CYP4X1: variants seen among roughly 807,000 people sequenced by gnomAD.
The protein encoded by CYP4X1 is cytochrome P450 4X1.
In CYP4X1, 44 loss-of-function variants were observed where a neutral mutation model predicts 57.9. That is an observed-to-expected ratio of 0.76 (90% CI 0.60 to 0.98). CYP4X1 has a LOEUF of 0.98. CYP4X1 is among the 50% of genes least tolerant of loss of function. The pLI, the probability that CYP4X1 is intolerant of heterozygous loss-of-function variation, is 0.00. For synonymous variants in CYP4X1, 227 were observed against 228.6 expected (o/e 0.99, Z 0.06); for missense variants, 532 against 623.9 (o/e 0.85, Z 1.57).
chr1:47,012,266 G>A, the CYP4X1 span, among the ~76,000 whole-genome samples: 22 of 152,316 alleles, frequency 1.4e-4, no homozygotes, highest in South Asian at 6.2e-4. Context: ...TAGGGACACG[G>A]ATGAAGCTGG....
the CYP4X1 span, among the ~76,000 whole-genome samples, chr1:46,977,715 C>T: frequency 6.6e-6 from 1 of 151,948 alleles, no homozygotes; most frequent in African/African-American, 2.4e-5. Flanking sequence ...AATGTTAAGA[C>T]AGCCAGAGAG....
At chr1:47,026,056 A>G (rs1644060285) in intron 1 of CYP4X1, among the ~76,000 whole-genome samples, 3 of 152,226 alleles carry the variant, frequency 2.0e-5, no homozygotes, top group Non-Finnish European at 2.9e-5. Flanking sequence ...TCATGGACAC[A>G]GAGAGTAGAA....
chr1:47,026,786 C>T (rs1199198501), intron 1 of CYP4X1, among the ~76,000 whole-genome samples: 1 of 152,052 alleles, frequency 6.6e-6, no homozygotes, highest in African/African-American at 2.4e-5. Context: ...GACGCAATCT[C>T]GGCTCACTGC....
chr1:46,993,266 C>T, the CYP4X1 span, among the ~76,000 whole-genome samples: 1 of 152,024 alleles, frequency 6.6e-6, no homozygotes, highest in South Asian at 2.1e-4. Context: ...ATGAACTCAT[C>T]CTTTTTTATG....
At chr1:47,046,329 C>A in intron 8 of CYP4X1, 138 bp from the exon 9 acceptor site, 2 of 1,161,878 alleles carry the variant, frequency 1.7e-6, no homozygotes, top group Non-Finnish European at 1.2e-6. Flanking sequence ...CAGAGAGTCC[C>A]ATTTTAACAT....
downstream of CYP4X1, among the ~76,000 whole-genome samples, chr1:47,052,035 G>C (rs569447906): frequency 2.0e-5 from 3 of 151,928 alleles, no homozygotes; most frequent in African/African-American, 7.2e-5. Flanking sequence ...AAATAAACAA[G>C]TTTATTAAGC....
the CYP4X1 span, among the ~76,000 whole-genome samples, chr1:46,989,843 C>T: frequency 6.6e-6 from 1 of 152,186 alleles, no homozygotes; most frequent in Non-Finnish European, 1.5e-5. Flanking sequence ...ACTGGCTAGC[C>T]ATATGCAGAA....
chr1:46,974,194 CAG>C, the CYP4X1 span, among the ~76,000 whole-genome samples: 3 of 152,236 alleles, frequency 2.0e-5, no homozygotes, highest in African/African-American at 7.2e-5. Flanking sequence ...TATTCAGAAG[CAG>C]AGTGTTTAAT....
At chr1:46,987,577 A>G in the CYP4X1 span, among the ~76,000 whole-genome samples, 1 of 152,234 alleles carries the variant, frequency 6.6e-6, no homozygotes, top group Non-Finnish European at 1.5e-5. Context: ...TCAGCAGAAT[A>G]TACATTCTTC....
the CYP4X1 span, among the ~76,000 whole-genome samples, chr1:46,997,053 T>C: frequency 6.6e-6 from 1 of 152,246 alleles, no homozygotes; most frequent in African/African-American, 2.4e-5. Context: ...GCACTTGTTT[T>C]CTGGGGTTTG....
Position 47,030,050 on chromosome 1 carries a change from T to A in CYP4X1, c.238T>A (p.Phe80Ile). 6.2e-7 allele frequency: 1 copy of A among 1,614,154 alleles called. No homozygotes were observed. Reference sequence around the variant, plus strand: ...AATTATTGAAAAATACCCTCGTGCCTTCCCTTTCTGGATTGGGCCCTTTCA... The same window carrying A: ...AATTATTGAAAAATACCCTCGTGCCATCCCTTTCTGGATTGGGCCCTTTCA... ...EEIIEKYPRA[F>I]PFWIGPFQAF... Residue 80 changes from phenylalanine to isoleucine, a missense_variant, in exon 2 of 12, where the codon TTC becomes ATC. Transcript: ENST00000371901.
the CYP4X1 span, among the ~76,000 whole-genome samples, chr1:46,996,143 G>A: frequency 6.6e-6 from 1 of 152,156 alleles, no homozygotes; most frequent in Admixed American, 6.5e-5. Flanking sequence ...ACAACTCTAC[G>A]AAACTGTTTC....
chr1:47,048,537 A>G, intron 9 of CYP4X1, 28 bp from the exon 10 acceptor site: 1 of 1,612,856 alleles, frequency 6.2e-7, no homozygotes, highest in Non-Finnish European at 8.5e-7. Flanking sequence ...TTTCTCCTGC[A>G]GTCTCTTTTA....
chr1:47,046,236 A>G (rs963572112), intron 8 of CYP4X1, among the ~76,000 whole-genome samples: 12 of 152,174 alleles, frequency 7.9e-5, no homozygotes, highest in Non-Finnish European at 1.3e-4. Context: ...TTTTACTGCT[A>G]GTTTAGCAGC....
At chr1:46,966,397 C>A in the CYP4X1 span, among the ~76,000 whole-genome samples, 1 of 152,150 alleles carries the variant, frequency 6.6e-6, no homozygotes, top group Non-Finnish European at 1.5e-5. Flanking sequence ...TGACCCAAGG[C>A]CCTAGTGGCT....
At chr1:46,975,010 A>G in the CYP4X1 span, among the ~76,000 whole-genome samples, 2 of 152,210 alleles carry the variant, frequency 1.3e-5, no homozygotes, top group Non-Finnish European at 2.9e-5. Flanking sequence ...TAATAAGTAC[A>G]TCATGGAGAA....
chr1:47,011,944 C>T, the CYP4X1 span, among the ~76,000 whole-genome samples: 1 of 152,154 alleles, frequency 6.6e-6, no homozygotes, highest in Non-Finnish European at 1.5e-5. Flanking sequence ...AATAGGAACA[C>T]TTTTACACTG....
the CYP4X1 span, among the ~76,000 whole-genome samples, chr1:46,977,398 A>C: frequency 0.049 from 7,384 of 152,152 alleles, 538 homozygotes; most frequent in African/African-American, 0.14. Context: ...CAAATTATTG[A>C]AATGAAGTAA....
chr1:47,039,565 T>C (rs749900997), intron 8 of CYP4X1, 33 bp downstream of exon 8: 1 of 1,546,428 alleles, frequency 6.5e-7, no homozygotes, highest in Non-Finnish European at 8.7e-7. Context: ...TTCCTGCTAG[T>C]TTTCCCCCTG....
Sources: gnomAD v4.1 joint callset for allele counts (sites outside exome capture counted in the v4.1 genomes callset) on GRCh38, gnomAD v4.1.1 for gene constraint, MANE v1.5 for transcripts, NCBI Gene and HGNC (gene_info 2026-07-23, HGNC 2026-07-21) for gene names.